Variants in SCAP observed in about 807,000 individuals in gnomAD.
SCAP encodes the protein sterol regulatory element-binding protein cleavage-activating protein.
SCAP carries 65 observed loss-of-function variants against 123.6 expected under a neutral mutation model. The ratio of observed to expected loss-of-function variants is 0.53; its 90% CI spans 0.43 to 0.65. The LOEUF (loss-of-function observed/expected upper bound fraction) is 0.65. Ranked by LOEUF, SCAP falls within the 30% of genes least tolerant of loss-of-function variation. SCAP has a pLI of 0.00. For synonymous variants in SCAP, 740 were observed against 726.3 expected (o/e 1.02, Z -0.30); for missense variants, 1,398 against 1,712.5 (o/e 0.82, Z 3.24).
At chr3:47,456,808 T>C (rs1277973230) in intron 1 of SCAP, among the ~76,000 whole-genome samples, 1 of 151,646 alleles carries the variant, frequency 6.6e-6, no homozygotes, top group Non-Finnish European at 1.5e-5. Flanking sequence ...AAATAAGATC[T>C]GGAAAAATAC....
intron 16 of SCAP, 51 bp downstream of exon 16, chr3:47,418,083 G>C: frequency 7.3e-7 from 1 of 1,378,376 alleles, no homozygotes; most frequent in Non-Finnish European, 1.0e-6. Context: ...GCGGGGGGTG[G>C]GGTGAGGGGG....
chr3:47,418,871 C>T lies in SCAP; in HGVS notation c.1941-28G>A, dbSNP rs750444621. The T allele has an allele frequency of 1.5e-5, 23 of 1,491,568 alleles. 1 individual carries two copies. Among genetic ancestry groups the T allele is most frequent in the Admixed American group, 7.4e-5 (3 of 40,716 alleles). The allele number at this position is 1,491,568 out of a possible 1,614,324, so 92.4% of individuals were successfully genotyped here. ...GGATTCGGACAGTGGGCAGCCTCAG[C>T]GGGGGGCCTCCCAGGGCTTCCTCCT... is the stretch of plus-strand genomic sequence containing the variant. On this transcript the variant is annotated intron_variant, in intron 13 of 22. Transcript: ENST00000265565.
intron 1 of SCAP, among the ~76,000 whole-genome samples, chr3:47,447,982 G>A (rs1315464791): frequency 1.5e-5 from 2 of 132,552 alleles, no homozygotes; most frequent in Middle Eastern, 4.5e-3. Flanking sequence ...TCCAGCCTGG[G>A]CAAGAGGGAG....
chr3:47,427,049 C>G, intron 6 of SCAP, 108 bp downstream of exon 6: 9 of 761,610 alleles, frequency 1.2e-5, no homozygotes, highest in Admixed American at 2.2e-5. Flanking sequence ...TGGAAACTCT[C>G]CCAAGTTTCC....
intron 1 of SCAP, among the ~76,000 whole-genome samples, chr3:47,470,413 A>C (rs969893346): frequency 6.6e-6 from 1 of 152,232 alleles, no homozygotes; most frequent in African/African-American, 2.4e-5. Flanking sequence ...GCATAGGGCT[A>C]TAGTGAGATG....
intron 9 of SCAP, 83 bp from the exon 10 acceptor site, chr3:47,422,619 G>T: frequency 1.7e-6 from 2 of 1,188,658 alleles, no homozygotes; most frequent in Non-Finnish European, 1.2e-6. Flanking sequence ...CCTCGGAGTG[G>T]CAGAGGCATG....
chr3:47,458,133 C>T (rs941374503), intron 1 of SCAP, among the ~76,000 whole-genome samples: 1 of 151,684 alleles, frequency 6.6e-6, no homozygotes, highest in Non-Finnish European at 1.5e-5. Context: ...ACTAAAAATA[C>T]AAAAATTAGC....
At chr3:47,469,669 T>C in intron 1 of SCAP, 1 of 245,060 alleles carries the variant, frequency 4.1e-6, no homozygotes, top group South Asian at 4.4e-5. Flanking sequence ...ACCAAATAAT[T>C]TTAAAAGTAT....
In SCAP at chr3:47,418,231, T is replaced by C. The variant is rs1705721872; in HGVS notation, c.2350A>G (p.Ser784Gly). ...GHLMDIECLASDGMLLVSCCL... is the reference protein window; with the variant it reads ...GHLMDIECLAGDGMLLVSCCL... ...CAGCTCACCAGCAGCATGCCGTCGCTGGCCAGGCACTCGATGTCCTGCAGA... is the reference window on the plus strand; with the variant it reads ...CAGCTCACCAGCAGCATGCCGTCGCCGGCCAGGCACTCGATGTCCTGCAGA... The change falls in exon 16 of 23, where the codon AGC becomes GGC. Residue 784 changes from serine (S) to glycine (G), a missense_variant. Physicochemically the swap from Ser to Gly is moderately conservative, Grantham distance 56. This residue lies in a region of SCAP where 828 missense variants were observed against 882.5 expected (regional missense o/e 0.94). Coordinates refer to ENST00000265565, the MANE Select transcript of SCAP (RefSeq NM_012235.4). 6.4e-7 allele frequency: 1 copy of C among 1,568,940 alleles called. No individual in the cohort carries two copies. The highest frequency in any genetic ancestry group is 1.4e-5 in the African/African-American group (1 of 73,896).
chr3:47,462,771 AAAAGAAAG>A (rs1285401601), intron 1 of SCAP, among the ~76,000 whole-genome samples: 7 of 143,512 alleles, frequency 4.9e-5, no homozygotes, highest in Non-Finnish European at 1.1e-4. Flanking sequence ...AAAAAAAAAA[AAAAGAAAG>A]AAAGAAAGGA....
chr3:47,469,818 C>A, intron 1 of SCAP: 1 of 585,980 alleles, frequency 1.7e-6, no homozygotes. Flanking sequence ...AAGGCTATTA[C>A]CCTGGGCAGT....
At position 47,427,258 on chromosome 3, in the gene SCAP, C is replaced by CA; in HGVS notation, c.635dup (p.Leu212PhefsTer73). The CA allele has an allele frequency of 6.2e-7, 1 of 1,613,092 alleles. No homozygotes were observed. The highest frequency in any genetic ancestry group is 8.5e-7 in the Non-Finnish European group (1 of 1,179,216). On this transcript the variant is annotated frameshift_variant, in exon 6 of 23. Transcript: ENST00000265565. LOFTEE classifies it high-confidence loss of function. ...TGTACTTCCCAGGAACACCAAATAA[C>CA]AAGTCTGCAAGCAGAAACCAGCAGG...
chr3:47,425,322 G>T, intron 8 of SCAP, 163 bp downstream of exon 8: 1 of 743,236 alleles, frequency 1.3e-6, no homozygotes, highest in Non-Finnish European at 2.1e-6. Flanking sequence ...ATGAATACAA[G>T]CCAGACAAAG....
chr3:47,466,240 A>T (rs1707826595), intron 1 of SCAP, among the ~76,000 whole-genome samples: 1 of 152,134 alleles, frequency 6.6e-6, no homozygotes, highest in African/African-American at 2.4e-5. Context: ...AACAAGAACT[A>T]AGTTGAGGAC....
intron 7 of SCAP, 139 bp downstream of exon 7, chr3:47,425,858 G>A: frequency 2.9e-6 from 3 of 1,038,350 alleles, no homozygotes; most frequent in Admixed American, 2.5e-5. Context: ...CCTGCTGGGG[G>A]ACAAAGCCCT....
chr3:47,420,461 C>A lies in SCAP; in HGVS notation c.1563+93G>T. 1 of 1,174,910 alleles carries A rather than the reference C, an allele frequency of 8.5e-7. No homozygotes were observed. The highest frequency in any genetic ancestry group is 2.6e-5 in the East Asian group (1 of 38,898). 72.8% of individuals were successfully genotyped at this position (1,174,910 alleles called of 1,614,324 possible). On this transcript the variant is annotated intron_variant, in intron 12 of 22. Coordinates refer to ENST00000265565, the MANE Select transcript of SCAP (RefSeq NM_012235.4). The surrounding 1 kb of genome is among the most constrained non-coding windows in gnomAD (Gnocchi z 5.0). ...GGGGCCACCAGGGCCTGAGGAATACCCTTTGCCACTCTAAGGCCAAGTGCA... is the reference window on the plus strand; with the variant it reads ...GGGGCCACCAGGGCCTGAGGAATACACTTTGCCACTCTAAGGCCAAGTGCA...
At chr3:47,451,861 C>T (rs565584820) in intron 1 of SCAP, among the ~76,000 whole-genome samples, 3 of 65,202 alleles carry the variant, frequency 4.6e-5, no homozygotes, top group African/African-American at 1.3e-4. Flanking sequence ...CAACCCACCC[C>T]GGTCCTCTGC....
intron 1 of SCAP, among the ~76,000 whole-genome samples, chr3:47,471,014 C>A (rs1341563845): frequency 2.6e-5 from 4 of 151,946 alleles, no homozygotes; most frequent in Non-Finnish European, 4.4e-5. Flanking sequence ...CAAGAGTGTC[C>A]CCAAGTTAAT....
At position 47,437,378 on chromosome 3, in the gene SCAP, C is replaced by T. The variant is rs575164706; in HGVS notation, c.123-2241G>A. 3.6e-5 allele frequency among the ~76,000 whole-genome samples: 5 copies of T among 139,480 alleles called. No homozygotes were observed. In the East Asian group the frequency reaches 6.7e-4, roughly 19 times the overall value. 91.5% of individuals were successfully genotyped at this position (139,480 alleles called of 152,430 possible). A position where few individuals can be genotyped will look rare whatever the true frequency, so the allele number is the denominator to read the frequency against. ...CACTTGAACCGGTGAGCTGAGATGGCGCCACTGCACTCTAGCCTGGGCAAC... is the reference window on the plus strand; with the variant it reads ...CACTTGAACCGGTGAGCTGAGATGGTGCCACTGCACTCTAGCCTGGGCAAC... On this transcript the variant is annotated intron_variant, in intron 2 of 22. Transcript: ENST00000265565.
Sources: gnomAD v4.1 joint callset for allele counts (sites outside exome capture counted in the v4.1 genomes callset) on GRCh38, gnomAD v4.1.1 for gene constraint, gnomAD v4.1.1 regional missense constraint, Gnocchi (gnomAD v3.1) non-coding constraint, MANE v1.5 for transcripts, NCBI Gene and HGNC (gene_info 2026-07-23, HGNC 2026-07-21) for gene names.